Variants in CSNK1G1 observed in about 807,000 individuals in gnomAD.
CSNK1G1 encodes the protein casein kinase 1 gamma 1.
Under a neutral mutation model 59.6 loss-of-function variants are expected in CSNK1G1, and 22 were observed. That is an observed-to-expected ratio of 0.37 (90% CI 0.26 to 0.53). The LOEUF is 0.53. CSNK1G1 is among the 20% of genes least tolerant of loss of function. The pLI is 0.89. For missense variants in CSNK1G1, 384 were observed against 519.5 expected (o/e 0.74, Z 2.54); for synonymous variants, 179 against 177.1 (o/e 1.01, Z -0.08).
intron 2 of CSNK1G1, among the ~76,000 whole-genome samples, chr15:64,294,803 T>C (rs183025796): frequency 6.6e-6 from 1 of 150,558 alleles, no homozygotes; most frequent in African/African-American, 2.4e-5. Context: ...TCCCAGCTAC[T>C]TGGGAGACTG....
intron 1 of CSNK1G1, among the ~76,000 whole-genome samples, chr15:64,302,243 G>A (rs1476964306): frequency 6.6e-6 from 1 of 152,026 alleles, no homozygotes. Flanking sequence ...GGAATTACAG[G>A]TGCCTGCTAC....
chr15:64,243,363 A>G (rs1891575961), intron 4 of CSNK1G1, among the ~76,000 whole-genome samples: 1 of 151,980 alleles, frequency 6.6e-6, no homozygotes, highest in Non-Finnish European at 1.5e-5. Flanking sequence ...AACAAAACAA[A>G]AAAAACCCTC....
intron 6 of CSNK1G1, among the ~76,000 whole-genome samples, chr15:64,212,830 A>C (rs1245476892): frequency 2.0e-5 from 3 of 152,122 alleles, no homozygotes; most frequent in Non-Finnish European, 4.4e-5. Context: ...ACATGGTGAA[A>C]TCCCGTCTCT....
At chr15:64,185,729 T>C (rs967124498) in intron 10 of CSNK1G1, among the ~76,000 whole-genome samples, 8 of 151,886 alleles carry the variant, frequency 5.3e-5, no homozygotes, top group South Asian at 2.1e-4. Flanking sequence ...CTGGGTGTGG[T>C]GGCACGTGCC....
At chr15:64,317,303 G>A (rs1256599297) in intron 1 of CSNK1G1, among the ~76,000 whole-genome samples, 6 of 152,104 alleles carry the variant, frequency 3.9e-5, no homozygotes, top group Non-Finnish European at 2.9e-5. Context: ...TGGCCAGGCT[G>A]GTCTCAAACT....
intron 4 of CSNK1G1, among the ~76,000 whole-genome samples, chr15:64,243,194 G>A (rs774337963): frequency 6.6e-6 from 1 of 152,064 alleles, no homozygotes; most frequent in Non-Finnish European, 1.5e-5. Flanking sequence ...AAATTAGCTA[G>A]GTGTGGTGGC....
chr15:64,250,120 A>C (rs1891993915), intron 4 of CSNK1G1, among the ~76,000 whole-genome samples: 1 of 152,228 alleles, frequency 6.6e-6, no homozygotes, highest in Non-Finnish European at 1.5e-5. Context: ...TGTAAGAGGA[A>C]CAACAATTAA....
rs577035359 is a variant in CSNK1G1 at position 64,288,756 on chromosome 15, G to A, written c.181+11563C>T. Among the ~76,000 whole-genome samples, 5 of 152,150 alleles carry A rather than the reference G, an allele frequency of 3.3e-5. No individual in the cohort carries two copies. In the South Asian group the frequency reaches 1.0e-3, roughly 32 times the overall value. On this transcript the variant is annotated intron_variant, in intron 2 of 11. Transcript: ENST00000303052. Reference sequence around the variant, plus strand: ...CGCCTTCTGGAAAAGTAGGCCATAAGTTCAGACAGTTTTTTCCTTAGGATG... The same window carrying A: ...CGCCTTCTGGAAAAGTAGGCCATAAATTCAGACAGTTTTTTCCTTAGGATG...
At chr15:64,332,696 TAAAA>T (rs938695920) in intron 1 of CSNK1G1, among the ~76,000 whole-genome samples, 1 of 141,168 alleles carries the variant, frequency 7.1e-6, no homozygotes. Context: ...TAAAATAAAA[TAAAA>T]AAACCCAAAT....
intron 1 of CSNK1G1, among the ~76,000 whole-genome samples, chr15:64,306,197 G>A (rs1895676575): frequency 6.6e-6 from 1 of 152,172 alleles, no homozygotes; most frequent in African/African-American, 2.4e-5. Context: ...CTAAGAGAAT[G>A]AAAAGATAAG....
At chr15:64,180,229 A>G in intron 11 of CSNK1G1, 119 bp downstream of exon 11, 1 of 732,692 alleles carries the variant, frequency 1.4e-6, no homozygotes, top group Non-Finnish European at 2.4e-6. Flanking sequence ...CAGTTAAGGA[A>G]GAAAGCTGTG....
chr15:64,304,165 A>G (rs1895531754), intron 1 of CSNK1G1, among the ~76,000 whole-genome samples: 1 of 152,074 alleles, frequency 6.6e-6, no homozygotes, highest in Admixed American at 6.5e-5. Context: ...AGGTGGGCAG[A>G]TCACCTGAGG....
At chr15:64,264,685 G>A (rs756653920) in intron 2 of CSNK1G1, among the ~76,000 whole-genome samples, 8 of 152,198 alleles carry the variant, frequency 5.3e-5, no homozygotes, top group Non-Finnish European at 1.2e-4. Context: ...GATCACATGG[G>A]ATGTATCCCG....
At chr15:64,274,765 A>G (rs528879490) in intron 2 of CSNK1G1, among the ~76,000 whole-genome samples, 2 of 152,266 alleles carry the variant, frequency 1.3e-5, no homozygotes, top group South Asian at 2.1e-4. Flanking sequence ...CAGACACTGC[A>G]TTATTTCAAA....
intron 1 of CSNK1G1, among the ~76,000 whole-genome samples, chr15:64,337,721 AT>A (rs1244573810): frequency 1.3e-5 from 2 of 152,142 alleles, no homozygotes; most frequent in Non-Finnish European, 2.9e-5. Context: ...CACTCACAAT[AT>A]TGTGTAACAG....
At chr15:64,204,687 C>A in intron 8 of CSNK1G1, 98 bp from the exon 9 acceptor site, 1 of 1,299,326 alleles carries the variant, frequency 7.7e-7, no homozygotes, top group South Asian at 1.3e-5. Flanking sequence ...TTTATACAGA[C>A]AATTTGACAC....
At chr15:64,181,332 T>C in intron 10 of CSNK1G1, 1 of 1,536,126 alleles carries the variant, frequency 6.5e-7, no homozygotes, top group Non-Finnish European at 8.7e-7. Context: ...TGCCACCTGG[T>C]TTCATTTCCA....
At chr15:64,318,303 G>C (rs1896380079) in intron 1 of CSNK1G1, among the ~76,000 whole-genome samples, 1 of 151,896 alleles carries the variant, frequency 6.6e-6, no homozygotes, top group Non-Finnish European at 1.5e-5. Context: ...AACAGTGTAT[G>C]CTCAAAAAAA....
chr15:64,314,983 A>T (rs986984180), intron 1 of CSNK1G1, among the ~76,000 whole-genome samples: 2 of 152,242 alleles, frequency 1.3e-5, no homozygotes, highest in Non-Finnish European at 2.9e-5. Context: ...AATCTTTTGG[A>T]TAAATACCCA....
Sources: gnomAD v4.1 joint callset for allele counts (sites outside exome capture counted in the v4.1 genomes callset) on GRCh38, gnomAD v4.1.1 for gene constraint, MANE v1.5 for transcripts, NCBI Gene and HGNC (gene_info 2026-07-23, HGNC 2026-07-21) for gene names.